CELF2: variants seen among roughly 807,000 people sequenced by gnomAD.
CELF2 encodes the protein CUGBP Elav-like family member 2.
Under a neutral mutation model 62.6 loss-of-function variants are expected in CELF2, and 8 were observed. That is an observed-to-expected ratio of 0.13 (90% CI 0.07 to 0.23). CELF2 has a LOEUF of 0.23. Among genes scored for constraint, CELF2 ranks in the 10% least tolerant of loss-of-function variants. The pLI is 1.00. For missense variants in CELF2, 333 were observed against 671.0 expected, an observed-to-expected ratio of 0.50 and a Z score of 5.56; for synonymous variants, 258 against 250.0, an observed-to-expected ratio of 1.03 and a Z score of -0.30.
At chr10:11,066,806 G>A (rs765683890) in intron 1 of CELF2, among the ~76,000 whole-genome samples, 1 of 152,098 alleles carries the variant, frequency 6.6e-6, no homozygotes, top group Non-Finnish European at 1.5e-5. Context: ...TTTCCTAGGT[G>A]CCAGGGTGTG....
rs2093350349 is a variant in CELF2, at chr10:11,297,877, G to A, written c.976+9325G>A. On this transcript the variant is annotated intron_variant, in intron 9 of 12. Coordinates refer to ENST00000633077, the MANE Select transcript of CELF2 (RefSeq NM_001326342.2). The surrounding 1 kb of genome is among the most constrained non-coding windows in gnomAD (Gnocchi z 4.4). Reference sequence around the variant, plus strand: ...ACACCTGTGGTTCCCAGCTACTCGGGAGGCTGAGGCAGGAAAATGACTTGA... The same window carrying A: ...ACACCTGTGGTTCCCAGCTACTCGGAAGGCTGAGGCAGGAAAATGACTTGA... Among the ~76,000 whole-genome samples, 1 of 152,130 alleles carries A rather than the reference G, an allele frequency of 6.6e-6. No homozygotes were observed. The highest frequency in any genetic ancestry group is 1.5e-5 in the Non-Finnish European group (1 of 68,026).
At chr10:11,128,676 T>C (rs2059129252) in intron 1 of CELF2, among the ~76,000 whole-genome samples, 1 of 152,196 alleles carries the variant, frequency 6.6e-6, no homozygotes, top group Non-Finnish European at 1.5e-5. Flanking sequence ...TGGCTCTCTG[T>C]TTGTCTGTTA....
In CELF2 at chr10:10,938,781, G is replaced by C. The variant is rs979988972; in HGVS notation, c.89+18782G>C. Among the ~76,000 whole-genome samples, 3 of 152,196 alleles carry C rather than the reference G, an allele frequency of 2.0e-5. No homozygotes were observed. Among genetic ancestry groups the C allele is most frequent in the Non-Finnish European group, 4.4e-5 (3 of 68,036 alleles). On this transcript the variant is annotated intron_variant, in intron 2 of 13. Coordinates refer to the CELF2 transcript ENST00000636488. This position sits in a 1 kb window ranked among gnomAD's most constrained non-coding sequence, Gnocchi z 4.2. ...CTGAGTGTAGGTGGGTTAGTGCCTGGACAACTCAGGCTCGAGCCCGCTGGG... is the reference window on the plus strand; with the variant it reads ...CTGAGTGTAGGTGGGTTAGTGCCTGCACAACTCAGGCTCGAGCCCGCTGGG...
At chr10:11,298,801 C>G (rs182337546) in intron 9 of CELF2, among the ~76,000 whole-genome samples, 4 of 152,008 alleles carry the variant, frequency 2.6e-5, no homozygotes, top group African/African-American at 4.8e-5. Context: ...TGGAGTGATA[C>G]GAAATACCAC....
the CELF2 span, among the ~76,000 whole-genome samples, chr10:10,754,150 C>CT: frequency 0.083 from 6,906 of 83,054 alleles, 412 homozygotes; most frequent in Admixed American, 0.23. Context: ...ACACTTTTTT[C>CT]TTTTTTTTTT....
chr10:10,670,292 G>A, the CELF2 span, among the ~76,000 whole-genome samples: 1 of 152,104 alleles, frequency 6.6e-6, no homozygotes, highest in African/African-American at 2.4e-5. Context: ...TTTCCAACAA[G>A]AGTCATAACA....
At chr10:11,063,926 C>A (rs150630791) in intron 1 of CELF2, among the ~76,000 whole-genome samples, 2 of 152,280 alleles carry the variant, frequency 1.3e-5, no homozygotes, top group Non-Finnish European at 2.9e-5. Context: ...TTGCGTTCTG[C>A]ATGGATAATC....
intron 8 of CELF2, among the ~76,000 whole-genome samples, chr10:11,282,457 T>C (rs562960295): frequency 1.3e-5 from 2 of 152,330 alleles, no homozygotes; most frequent in African/African-American, 4.8e-5. Flanking sequence ...ACCACGTGGA[T>C]GTGTTAGGAA....
chr10:11,161,469 C>T (rs1160282188), intron 1 of CELF2, among the ~76,000 whole-genome samples: 1 of 152,200 alleles, frequency 6.6e-6, no homozygotes, highest in East Asian at 1.9e-4. Flanking sequence ...AGGCAGTTGA[C>T]CTTCACCTCT....
At chr10:10,544,801 G>T in the CELF2 span, among the ~76,000 whole-genome samples, 1 of 152,192 alleles carries the variant, frequency 6.6e-6, no homozygotes, top group Non-Finnish European at 1.5e-5. Context: ...GGAAGAGTAA[G>T]GGATTGCTCA....
chr10:11,035,701 T>C (rs957648520), intron 1 of CELF2, among the ~76,000 whole-genome samples: 2 of 152,244 alleles, frequency 1.3e-5, no homozygotes, highest in African/African-American at 4.8e-5. Context: ...TATGTGTGTT[T>C]GAAATTGGTT....
the CELF2 span, among the ~76,000 whole-genome samples, chr10:10,666,848 C>A: frequency 4.9e-5 from 3 of 61,652 alleles, no homozygotes; most frequent in Admixed American, 2.0e-4. Flanking sequence ...GGCGACAGAG[C>A]GAGACTCCGT....
rs1406172714 is a variant in CELF2 at position 11,328,556 on chromosome 10, A to G, written c.1439-370A>G. 6.6e-6 allele frequency among the ~76,000 whole-genome samples: 1 copy of G among 152,218 alleles called. No homozygotes were observed. The highest frequency in any genetic ancestry group is 1.5e-5 in the Non-Finnish European group (1 of 68,030). On this transcript the variant is annotated intron_variant, in intron 12 of 12. Coordinates refer to ENST00000633077, the MANE Select transcript of CELF2 (RefSeq NM_001326342.2). This position sits in a 1 kb window ranked among gnomAD's most constrained non-coding sequence, Gnocchi z 6.4. ...AAATATTTACACCACTGCTTGTATG[A>G]GTAGCATGTATGGACCTGGGGTTCT...
At chr10:10,490,864 C>A in the CELF2 span, among the ~76,000 whole-genome samples, 22 of 152,112 alleles carry the variant, frequency 1.4e-4, no homozygotes, top group Non-Finnish European at 2.9e-4. Flanking sequence ...TAAAGACAAG[C>A]TTCTATACAA....
chr10:10,950,515 C>T (rs1469686235), intron 2 of CELF2, among the ~76,000 whole-genome samples: 1 of 152,014 alleles, frequency 6.6e-6, no homozygotes, highest in Non-Finnish European at 1.5e-5. Flanking sequence ...CGAGGGGATA[C>T]GTATGATTTC....
At position 11,321,022 on chromosome 10, in the gene CELF2, A is replaced by C. The variant is rs1389905752; in HGVS notation, c.1097-167A>C. ...GCTTAGGTCATTTTCCCCCATTATC[A>C]CGATTTATTTCTTCATGGTTTCATT... On this transcript the variant is annotated intron_variant, in intron 10 of 12. Coordinates refer to ENST00000633077, the MANE Select transcript of CELF2 (RefSeq NM_001326342.2). The surrounding 1 kb of genome is among the most constrained non-coding windows in gnomAD (Gnocchi z 6.2). 34 of 1,333,494 alleles carry C rather than the reference A, an allele frequency of 2.5e-5. No homozygotes were observed. Among genetic ancestry groups the C allele is most frequent in the Non-Finnish European group, 3.2e-5 (31 of 968,400 alleles). 82.6% of individuals were successfully genotyped at this position (1,333,494 alleles called of 1,614,324 possible).
At chr10:10,908,214 A>ATTTTTTTTTTTTTT (rs796857171) in intron 1 of CELF2, among the ~76,000 whole-genome samples, 13 of 83,738 alleles carry the variant, frequency 1.6e-4, no homozygotes, top group Admixed American at 2.0e-4. Flanking sequence ...GTATGAGGGG[A>ATTTTTTTTTTTTTT]TTTTTTTTTT....
Position 10,936,681 on chromosome 10 carries a change from A to G in CELF2, c.89+16682A>G, listed in dbSNP as rs989334772. Reference sequence around the variant, plus strand: ...CCCCATCCCTGGGGACAAAATCTTCATTTCTAGCGTTTTCCACCATAACCT... The same window carrying G: ...CCCCATCCCTGGGGACAAAATCTTCGTTTCTAGCGTTTTCCACCATAACCT... On this transcript the variant is annotated intron_variant, in intron 2 of 13. Coordinates refer to the CELF2 transcript ENST00000636488. The surrounding 1 kb of genome is among the most constrained non-coding windows in gnomAD (Gnocchi z 4.0). 2 of 152,158 alleles carry G rather than the reference A, an allele frequency of 1.3e-5. No homozygotes were observed. The highest frequency in any genetic ancestry group is 6.5e-5 in the Admixed American group (1 of 15,274). The allele number at this position is 152,158 out of a possible 1,614,324, so 9.4% of individuals were successfully genotyped here.
At chr10:11,263,772 G>A (rs1452613230) in intron 5 of CELF2, among the ~76,000 whole-genome samples, 1 of 152,230 alleles carries the variant, frequency 6.6e-6, no homozygotes, top group African/African-American at 2.4e-5. Context: ...AGCCACCCAT[G>A]TGTTTTCAGT....
Sources: allele counts gnomAD v4.1 joint callset (sites outside exome capture counted in the v4.1 genomes callset), GRCh38; gene constraint gnomAD v4.1.1; non-coding constraint Gnocchi (gnomAD v3.1); transcripts MANE v1.5; gene names NCBI Gene and HGNC (gene_info 2026-07-23, HGNC 2026-07-21).